CNDP1: variants seen among roughly 807,000 people sequenced by gnomAD.
CNDP1 encodes carnosine dipeptidase 1.
A neutral mutation model predicts 58.1 loss-of-function variants in CNDP1; 44 were observed. That is an observed-to-expected ratio of 0.76 (90% CI 0.60 to 0.97). The LOEUF is 0.97. CNDP1 is among the 50% of genes least tolerant of loss of function. The probability of loss-of-function intolerance (pLI) is 0.00; values close to 1 mark genes in which losing one functional copy is unlikely to be tolerated. For synonymous variants in CNDP1, 254 were observed against 252.6 expected (o/e 1.01, Z -0.05); for missense variants, 616 against 655.1 (o/e 0.94, Z 0.65).
intron 1 of CNDP1, among the ~76,000 whole-genome samples, chr18:74,542,425 G>A (rs1282116305): frequency 6.6e-6 from 1 of 152,128 alleles, no homozygotes; most frequent in Non-Finnish European, 1.5e-5. Context: ...TTTGCACCAG[G>A]TAGCGTTCCC....
intron 1 of CNDP1, among the ~76,000 whole-genome samples, chr18:74,537,466 G>A (rs1473234926): frequency 6.6e-6 from 1 of 152,116 alleles, no homozygotes. Context: ...CTAATACTGA[G>A]AGAGAAAAGA....
intron 1 of CNDP1, among the ~76,000 whole-genome samples, chr18:74,550,841 C>A (rs1433093276): frequency 6.6e-6 from 1 of 151,822 alleles, no homozygotes; most frequent in Non-Finnish European, 1.5e-5. Context: ...ACCTCATGAT[C>A]CTCCTGCTTC....
chr18:74,568,318 C>T (rs1195844990), intron 6 of CNDP1, among the ~76,000 whole-genome samples: 1 of 152,162 alleles, frequency 6.6e-6, no homozygotes, highest in Non-Finnish European at 1.5e-5. Flanking sequence ...TGCTAAGTCC[C>T]AGGGGTATAG....
chr18:74,544,760 G>GAAAATAAT (rs1980715949), intron 1 of CNDP1, among the ~76,000 whole-genome samples: 1 of 136,026 alleles, frequency 7.4e-6, no homozygotes, highest in South Asian at 2.5e-4. Context: ...ATAGTGGTAA[G>GAAAATAAT]AAAATAATAA....
chr18:74,544,369 T>A (rs907532819), intron 1 of CNDP1, among the ~76,000 whole-genome samples: 1 of 152,208 alleles, frequency 6.6e-6, no homozygotes, highest in African/African-American at 2.4e-5. Flanking sequence ...ATGGAGCTTA[T>A]GTCATGAGAG....
intron 1 of CNDP1, among the ~76,000 whole-genome samples, chr18:74,546,264 T>G (rs957702375): frequency 3.3e-5 from 5 of 152,162 alleles, no homozygotes; most frequent in Non-Finnish European, 4.4e-5. Context: ...CTGTCCAGAC[T>G]GTGGGGAGTA....
At chr18:74,554,608 A>C (rs1980989707) in intron 1 of CNDP1, among the ~76,000 whole-genome samples, 1 of 152,146 alleles carries the variant, frequency 6.6e-6, no homozygotes, top group Non-Finnish European at 1.5e-5. Flanking sequence ...AGGAGCATGG[A>C]GGAAGATTCA....
intron 8 of CNDP1, chr18:74,577,723 C>T (rs1363054496): frequency 6.5e-6 from 1 of 154,212 alleles, no homozygotes; most frequent in Non-Finnish European, 1.4e-5. Flanking sequence ...CTGGCTTAAA[C>T]ATCTGAAGAG....
At chr18:74,560,207 G>A (rs1974965) in intron 3 of CNDP1, among the ~76,000 whole-genome samples, 34,179 of 151,612 alleles carry the variant, frequency 0.23, 4,140 homozygotes, top group African/African-American at 0.31. Flanking sequence ...TTAGACACAG[G>A]GTTTCACCAT....
chr18:74,571,379 G>T lies in CNDP1; in HGVS notation c.841+109G>T, dbSNP rs181330582. 328 of 728,046 alleles carry T rather than the reference G, an allele frequency of 4.5e-4. 3 individuals carry two copies. Among genetic ancestry groups the T allele is most frequent in the East Asian group, 3.7e-3 (145 of 39,666 alleles). 45.1% of individuals were successfully genotyped at this position (728,046 alleles called of 1,614,324 possible). A position where few individuals can be genotyped will look rare whatever the true frequency, so the allele number is the denominator to read the frequency against. ...CTTTCTGAACCAGCTCTGAACAAGG[G>T]TGTAGATGCTTAGATTTTCCTCCCC... On this transcript the variant is annotated intron_variant, in intron 7 of 11. Coordinates refer to ENST00000358821, the MANE Select transcript of CNDP1 (RefSeq NM_032649.6).
At chr18:74,562,247 A>G (rs1981221031) in intron 5 of CNDP1, 112 bp downstream of exon 5, 13 of 902,046 alleles carry the variant, frequency 1.4e-5, no homozygotes, top group Non-Finnish European at 2.2e-5. Context: ...ACTCGCCCCA[A>G]CAATCTTTGG....
At chr18:74,576,845 T>G in intron 7 of CNDP1, 24 bp from the exon 8 acceptor site, 1 of 1,592,748 alleles carries the variant, frequency 6.3e-7, no homozygotes, top group South Asian at 1.2e-5. Context: ...CTACCTGGCT[T>G]TGTTTTCTGT....
chr18:74,565,683 G>A (rs1981310073), intron 5 of CNDP1, among the ~76,000 whole-genome samples: 1 of 152,204 alleles, frequency 6.6e-6, no homozygotes, highest in African/African-American at 2.4e-5. Context: ...TGCCCCTGTG[G>A]CTTTGCAGGG....
chr18:74,579,362 C>T, intron 9 of CNDP1, among the ~76,000 whole-genome samples: 1 of 135,366 alleles, frequency 7.4e-6, no homozygotes, highest in South Asian at 2.6e-4. Context: ...CCCCTCCCTT[C>T]CCTTTCCTTT....
intron 5 of CNDP1, 135 bp downstream of exon 5, chr18:74,562,270 C>A: frequency 1.4e-6 from 1 of 731,340 alleles, no homozygotes. Flanking sequence ...GTGTGTGCGA[C>A]AATGGTATCC....
At chr18:74,580,876 G>T (rs1031995622) in intron 10 of CNDP1, among the ~76,000 whole-genome samples, 1 of 152,222 alleles carries the variant, frequency 6.6e-6, no homozygotes, top group African/African-American at 2.4e-5. Flanking sequence ...GGCTGAGGCA[G>T]AAGCATGGCT....
intron 1 of CNDP1, among the ~76,000 whole-genome samples, chr18:74,544,822 A>G (rs1980718285): frequency 6.6e-6 from 1 of 152,082 alleles, no homozygotes; most frequent in Admixed American, 6.6e-5. Context: ...GTCCACCTGG[A>G]ACCTCAGAAC....
chr18:74,558,754 T>C (rs12961730), intron 2 of CNDP1, among the ~76,000 whole-genome samples: 109,774 of 151,978 alleles, frequency 0.72, 41,422 homozygotes, highest in East Asian at 0.93. Context: ...AAGGAATACA[T>C]CCAAAGTCAC....
chr18:74,573,685 A>G (rs1001747161), intron 7 of CNDP1, among the ~76,000 whole-genome samples: 1 of 152,198 alleles, frequency 6.6e-6, no homozygotes, highest in Non-Finnish European at 1.5e-5. Flanking sequence ...TTCCTTCCCT[A>G]TGAACTGCAT....
Sources: allele counts gnomAD v4.1 joint callset (sites outside exome capture counted in the v4.1 genomes callset), GRCh38; gene constraint gnomAD v4.1.1; transcripts MANE v1.5; gene names NCBI Gene and HGNC (gene_info 2026-07-23, HGNC 2026-07-21).